The following ILRUN variants were observed in gnomAD, a reference collection of about 807,000 sequenced individuals.
ILRUN encodes the protein protein ILRUN.
In ILRUN, 3 loss-of-function variants were observed where a neutral mutation model predicts 33.8. That is an observed-to-expected ratio of 0.09 (90% CI 0.04 to 0.23). The LOEUF is 0.23. Ranked by LOEUF, ILRUN falls within the 10% of genes least tolerant of loss-of-function variation. ILRUN has a pLI of 1.00. For synonymous variants in ILRUN, 124 were observed against 138.9 expected (o/e 0.89, Z 0.75); for missense variants, 210 against 375.1 (o/e 0.56, Z 3.64).
intron 1 of ILRUN, among the ~76,000 whole-genome samples, chr6:34,688,565 C>A (rs1011184665): frequency 6.6e-6 from 1 of 151,926 alleles, no homozygotes; most frequent in African/African-American, 2.4e-5. Flanking sequence ...GTAATCCCAG[C>A]ACTTTGGGAG....
At chr6:34,609,999 T>A (rs2814978) in intron 3 of ILRUN, among the ~76,000 whole-genome samples, 66,912 of 150,828 alleles carry the variant, frequency 0.44, 16,763 homozygotes, top group African/African-American at 0.69. Context: ...TCTACTAAAA[T>A]TACAAAAAAA....
chr6:34,683,476 A>ATATATG (rs1491343391), intron 1 of ILRUN, among the ~76,000 whole-genome samples: 35 of 113,340 alleles, frequency 3.1e-4, no homozygotes, highest in African/African-American at 5.8e-4. Context: ...ATATATACAC[A>ATATATG]TATATATATA....
intron 2 of ILRUN, among the ~76,000 whole-genome samples, chr6:34,652,135 A>G (rs983016460): frequency 6.6e-6 from 1 of 152,180 alleles, no homozygotes; most frequent in Non-Finnish European, 1.5e-5. Flanking sequence ...TTTTAAATTC[A>G]GAATAAAAAC....
chr6:34,654,591 C>T (rs1762733717), intron 2 of ILRUN, 34 bp downstream of exon 2: 1 of 1,561,438 alleles, frequency 6.4e-7, no homozygotes, highest in Non-Finnish European at 8.6e-7. Flanking sequence ...AAAATGAAAA[C>T]TAGGCAAGGG....
intron 1 of ILRUN, among the ~76,000 whole-genome samples, chr6:34,675,742 C>T (rs1489638362): frequency 3.3e-5 from 5 of 152,034 alleles, no homozygotes; most frequent in Non-Finnish European, 5.9e-5. Flanking sequence ...AATATACAAA[C>T]AGCTCACATA....
intron 1 of ILRUN, among the ~76,000 whole-genome samples, chr6:34,671,065 T>C (rs1763108283): frequency 1.3e-5 from 2 of 152,248 alleles, no homozygotes; most frequent in African/African-American, 4.8e-5. Context: ...AAATAGTATT[T>C]TTCCGAATTA....
intron 3 of ILRUN, among the ~76,000 whole-genome samples, chr6:34,630,061 CATT>C (rs943161157): frequency 3.3e-5 from 5 of 152,020 alleles, no homozygotes; most frequent in African/African-American, 1.2e-4. Context: ...ATTTTGGGGC[CATT>C]ATTAAGTAAA....
chr6:34,589,277 T>G lies in ILRUN; in HGVS notation c.*1288A>C, dbSNP rs553230637. On this transcript the variant is annotated 3_prime_UTR_variant, in exon 5 of 5. Transcript: ENST00000374023. ...TGAGTGAGCAGCCAGTCAATCAGCC[T>G]CTTGCTTCAGCTGGGCTGCCACTTG... The G allele has an allele frequency of 6.6e-6, 1 of 152,432 alleles. No homozygotes were observed. The highest frequency in any genetic ancestry group is 1.9e-4 in the East Asian group (1 of 5,190). 9.4% of individuals were successfully genotyped at this position (152,432 alleles called of 1,614,324 possible).
At chr6:34,657,331 C>T (rs879554956) in intron 1 of ILRUN, among the ~76,000 whole-genome samples, 2 of 152,122 alleles carry the variant, frequency 1.3e-5, no homozygotes, top group African/African-American at 2.4e-5. Context: ...TCATATTTCA[C>T]CCTTTGGCTC....
At chr6:34,680,720 T>C (rs893055849) in intron 1 of ILRUN, among the ~76,000 whole-genome samples, 1 of 152,224 alleles carries the variant, frequency 6.6e-6, no homozygotes, top group Non-Finnish European at 1.5e-5. Flanking sequence ...CCCAAAGGTG[T>C]GAGCCATCAC....
chr6:34,633,036 T>C (rs1308894126), intron 3 of ILRUN, among the ~76,000 whole-genome samples: 1 of 152,158 alleles, frequency 6.6e-6, no homozygotes, highest in Non-Finnish European at 1.5e-5. Flanking sequence ...TCCAACTACA[T>C]GCTATCTATA....
chr6:34,618,456 C>T (rs1214215150), intron 3 of ILRUN, among the ~76,000 whole-genome samples: 2 of 152,164 alleles, frequency 1.3e-5, no homozygotes, highest in Admixed American at 6.5e-5. Context: ...CTAATCCTGT[C>T]TCAGAAACAG....
At chr6:34,680,499 CT>C (rs1170334943) in intron 1 of ILRUN, among the ~76,000 whole-genome samples, 9 of 152,058 alleles carry the variant, frequency 5.9e-5, no homozygotes, top group Non-Finnish European at 1.3e-4. Flanking sequence ...GAGTCTCGCT[CT>C]GCTGCCCAGA....
At chr6:34,690,166 T>C (rs1763615584) in intron 1 of ILRUN, among the ~76,000 whole-genome samples, 1 of 152,136 alleles carries the variant, frequency 6.6e-6, no homozygotes, top group South Asian at 2.1e-4. Flanking sequence ...CACCTTAAAC[T>C]GATTAAAATG....
chr6:34,608,314 A>G (rs1327147920), intron 3 of ILRUN, among the ~76,000 whole-genome samples: 1 of 151,922 alleles, frequency 6.6e-6, no homozygotes, highest in South Asian at 2.1e-4. Context: ...GAATTGCTTG[A>G]GCCTGGGAGG....
chr6:34,684,254 G>T (rs1256489845), intron 1 of ILRUN, among the ~76,000 whole-genome samples: 3 of 152,062 alleles, frequency 2.0e-5, no homozygotes, highest in African/African-American at 7.2e-5. Context: ...ACCTTCAATT[G>T]TTACCCATCT....
chr6:34,673,825 A>C (rs932397861), intron 1 of ILRUN, among the ~76,000 whole-genome samples: 6 of 131,358 alleles, frequency 4.6e-5, no homozygotes, highest in Admixed American at 7.6e-5. Context: ...AAACAGTAAC[A>C]ACCACATACA....
intron 1 of ILRUN, among the ~76,000 whole-genome samples, chr6:34,668,204 T>C (rs946891844): frequency 7.2e-5 from 11 of 152,230 alleles, no homozygotes; most frequent in African/African-American, 2.7e-4. Flanking sequence ...GAAAACAGTT[T>C]AGCAGATTCT....
chr6:34,606,528 C>G (rs117366766), intron 4 of ILRUN, 27 bp downstream of exon 4: 1 of 1,584,638 alleles, frequency 6.3e-7, no homozygotes, highest in Non-Finnish European at 8.6e-7. Context: ...CCACCACCTA[C>G]CCCTTCTCTT....
Sources: allele counts gnomAD v4.1 joint callset (sites outside exome capture counted in the v4.1 genomes callset), GRCh38; gene constraint gnomAD v4.1.1; transcripts MANE v1.5; gene names NCBI Gene and HGNC (gene_info 2026-07-23, HGNC 2026-07-21).